Variants in PTPRJ observed in about 807,000 individuals in gnomAD.
PTPRJ encodes the protein protein tyrosine phosphatase receptor type J.
Under a neutral mutation model 141.3 loss-of-function variants are expected in PTPRJ, and 129 were observed. The observed-to-expected ratio is 0.91, with a 90% CI of 0.79 to 1.06. PTPRJ has a LOEUF of 1.06. PTPRJ is among the 50% of genes least tolerant of loss of function. The pLI is 0.00. For missense variants in PTPRJ, 1,601 were observed against 1,679.7 expected, an observed-to-expected ratio of 0.95 and a Z score of 0.82; for synonymous variants, 610 against 640.5, an observed-to-expected ratio of 0.95 and a Z score of 0.72.
Position 48,170,166 on chromosome 11 carries a change from G to A in PTPRJ, c.*2804G>A, listed in dbSNP as rs1002410228. On this transcript the variant is annotated 3_prime_UTR_variant, in exon 25 of 25. Transcript: ENST00000418331. Reference sequence around the variant, plus strand: ...ACAATTGCATACAGAAAAGCAGCTGGTATGGGTTTGGGTGTCAATGAAAGG... The same window carrying A: ...ACAATTGCATACAGAAAAGCAGCTGATATGGGTTTGGGTGTCAATGAAAGG... 1.3e-5 allele frequency: 2 copies of A among 152,182 alleles called. No individual in the cohort carries two copies. The highest frequency in any genetic ancestry group is 4.8e-5 in the African/African-American group (2 of 41,436). The allele number at this position is 152,182 out of a possible 1,614,324, so 9.4% of individuals were successfully genotyped here. A position where few individuals can be genotyped will look rare whatever the true frequency, so the allele number is the denominator to read the frequency against.
At chr11:48,138,027 C>T (rs898808121) in intron 10 of PTPRJ, among the ~76,000 whole-genome samples, 1 of 152,188 alleles carries the variant, frequency 6.6e-6, no homozygotes, top group Admixed American at 6.5e-5. Flanking sequence ...GACTGTGGCA[C>T]CTTTATCACT....
At chr11:48,036,367 G>A (rs941774974) in intron 1 of PTPRJ, among the ~76,000 whole-genome samples, 8 of 152,164 alleles carry the variant, frequency 5.3e-5, no homozygotes, top group African/African-American at 1.9e-4. Context: ...CCAGTGCTCT[G>A]CTCTTCTTGA....
chr11:48,063,943 TG>T (rs1855007829), intron 1 of PTPRJ, among the ~76,000 whole-genome samples: 1 of 152,016 alleles, frequency 6.6e-6, no homozygotes, highest in African/African-American at 2.4e-5. Context: ...TGTGTGTGTG[TG>T]TTTTTAAAAA....
intron 24 of PTPRJ, among the ~76,000 whole-genome samples, chr11:48,165,521 T>C (rs1462463742): frequency 6.6e-6 from 1 of 152,222 alleles, no homozygotes; most frequent in Non-Finnish European, 1.5e-5. Flanking sequence ...GAGCAGAATA[T>C]TAATTTTGTA....
In PTPRJ at chr11:48,157,598, G is replaced by A. The variant is rs144586428; in HGVS notation, c.3438+1479G>A. On this transcript the variant is annotated intron_variant, in intron 21 of 24. Transcript: ENST00000418331. Reference sequence around the variant, plus strand: ...TGGCACCAGGGTGCACACTTGGAGTGGTACTGTCCCCAGGATAGTGGGAGC... The same window carrying A: ...TGGCACCAGGGTGCACACTTGGAGTAGTACTGTCCCCAGGATAGTGGGAGC... Among the ~76,000 whole-genome samples, 955 of 152,318 alleles carry A rather than the reference G, an allele frequency of 6.3e-3. 4 individuals are homozygous for A. Among genetic ancestry groups the A allele is most frequent in the Non-Finnish European group, 0.011 (741 of 68,020 alleles).
At position 48,129,777 on chromosome 11, in the gene PTPRJ, A is replaced by G. The variant is rs555760813; in HGVS notation, c.1358-682A>G. On this transcript the variant is annotated intron_variant, in intron 7 of 24. Transcript: ENST00000418331. Reference sequence around the variant, plus strand: ...ATCCTGGGATCAGGAAGCTGCAGCCACCGCTGAGGTTTTGGTTCTAGAGCC... The same window carrying G: ...ATCCTGGGATCAGGAAGCTGCAGCCGCCGCTGAGGTTTTGGTTCTAGAGCC... Among the ~76,000 whole-genome samples the G allele has an allele frequency of 5.9e-5, 9 of 152,210 alleles. No individual in the cohort carries two copies. In the East Asian group the frequency reaches 1.5e-3, roughly 26 times the overall value.
intron 1 of PTPRJ, among the ~76,000 whole-genome samples, chr11:48,078,626 T>G (rs1372659398): frequency 1.3e-5 from 2 of 151,644 alleles, no homozygotes; most frequent in Non-Finnish European, 1.5e-5. Flanking sequence ...AGGAGGGAGG[T>G]GGCAGGGGTG....
At chr11:48,132,330 T>C in intron 8 of PTPRJ, 6 of 978,276 alleles carry the variant, frequency 6.1e-6, no homozygotes, top group Non-Finnish European at 7.3e-6. Context: ...GGCCCAACAG[T>C]TGCAGACTAG....
chr11:48,130,048 A>G (rs1472412133), intron 7 of PTPRJ, among the ~76,000 whole-genome samples: 2 of 151,300 alleles, frequency 1.3e-5, no homozygotes, highest in African/African-American at 2.4e-5. Flanking sequence ...ATGAAGGGAA[A>G]ATGGGGGAAT....
At chr11:48,109,495 C>G (rs1010277453) in intron 1 of PTPRJ, among the ~76,000 whole-genome samples, 78 of 152,134 alleles carry the variant, frequency 5.1e-4, no homozygotes, top group African/African-American at 1.5e-3. Flanking sequence ...AGCTGCTTGA[C>G]ATGTGATTAA....
intron 1 of PTPRJ, among the ~76,000 whole-genome samples, chr11:47,993,010 A>T (rs1854236832): frequency 6.6e-6 from 1 of 151,762 alleles, no homozygotes; most frequent in Non-Finnish European, 1.5e-5. Context: ...CAGACACAGT[A>T]AAAAAAACCA....
intron 1 of PTPRJ, among the ~76,000 whole-genome samples, chr11:48,078,270 C>A (rs904475538): frequency 2.6e-5 from 4 of 152,048 alleles, no homozygotes; most frequent in African/African-American, 9.7e-5. Flanking sequence ...GTTGGCCAGG[C>A]TGGTCTTGAA....
chr11:48,063,225 G>A (rs1213607851), intron 1 of PTPRJ, among the ~76,000 whole-genome samples: 8 of 152,166 alleles, frequency 5.3e-5, no homozygotes. Flanking sequence ...CTACTTGGGA[G>A]GCTGAGGCAG....
intron 1 of PTPRJ, among the ~76,000 whole-genome samples, chr11:48,041,103 T>C (rs7114873): frequency 6.6e-6 from 1 of 152,102 alleles, no homozygotes; most frequent in Non-Finnish European, 1.5e-5. Flanking sequence ...GTACATCCTC[T>C]TTCTGTGTCA....
chr11:47,992,845 A>G (rs1203195838), intron 1 of PTPRJ, among the ~76,000 whole-genome samples: 1 of 152,088 alleles, frequency 6.6e-6, no homozygotes, highest in East Asian at 1.9e-4. Context: ...ATATGTGCGC[A>G]CGTGTGTGTG....
intron 1 of PTPRJ, among the ~76,000 whole-genome samples, chr11:47,992,040 G>A (rs924704276): frequency 2.6e-5 from 4 of 152,046 alleles, no homozygotes; most frequent in East Asian, 1.9e-4. Context: ...TCCTCACAGC[G>A]TCCTTGAGTT....
At chr11:48,011,497 T>C (rs1407788837) in intron 1 of PTPRJ, among the ~76,000 whole-genome samples, 1 of 152,126 alleles carries the variant, frequency 6.6e-6, no homozygotes, top group Non-Finnish European at 1.5e-5. Context: ...CAGCTCAGAA[T>C]ATGATGGGCC....
Position 48,120,989 on chromosome 11 carries a change from T to C in PTPRJ, c.353-14T>C. ...TGAAGTGCAATAATTTTTTTTTTTTTTTTAACAATATAGGGCCCAGTCCTG... is the reference window on the plus strand; with the variant it reads ...TGAAGTGCAATAATTTTTTTTTTTTCTTTAACAATATAGGGCCCAGTCCTG... On this transcript the variant is annotated splice_polypyrimidine_tract_variant and intron_variant, in intron 3 of 24. Coordinates refer to ENST00000418331, the MANE Select transcript of PTPRJ (RefSeq NM_002843.4). The C allele has an allele frequency of 2.0e-6, 3 of 1,518,196 alleles. No homozygotes were observed. Among genetic ancestry groups the C allele is most frequent in the Non-Finnish European group, 2.6e-6 (3 of 1,133,344 alleles). The allele number at this position is 1,518,196 out of a possible 1,614,324, so 94.0% of individuals were successfully genotyped here.
In PTPRJ at chr11:48,167,600, A is replaced by AC. The variant is rs1259186002; in HGVS notation, c.*239dup. The AC allele has an allele frequency of 8.5e-5, 32 of 376,612 alleles. No individual in the cohort carries two copies. The East Asian group carries it at 8.8e-4, about 10-fold the overall frequency. The allele number at this position is 376,612 out of a possible 1,614,324, so 23.3% of individuals were successfully genotyped here. ...TCCTGATGACCAATGGGATGAGGTC[A>AC]CTTTTTTTTTTTTTCCCCCTTGAGG... On this transcript the variant is annotated 3_prime_UTR_variant, in exon 25 of 25. Coordinates refer to ENST00000418331, the MANE Select transcript of PTPRJ (RefSeq NM_002843.4).
Sources: allele counts gnomAD v4.1 joint callset (sites outside exome capture counted in the v4.1 genomes callset), GRCh38; gene constraint gnomAD v4.1.1; transcripts MANE v1.5; gene names NCBI Gene and HGNC (gene_info 2026-07-23, HGNC 2026-07-21).